KCNH1: variants seen among roughly 807,000 people sequenced by gnomAD.
The protein encoded by KCNH1 is voltage-gated delayed rectifier potassium channel KCNH1.
A neutral mutation model predicts 69.2 loss-of-function variants in KCNH1; 27 were observed. That is an observed-to-expected ratio of 0.39 (90% CI 0.29 to 0.54). The LOEUF is 0.54. Ranked by LOEUF, KCNH1 falls within the 20% of genes least tolerant of loss-of-function variation. KCNH1 has a pLI of 0.68. For missense variants in KCNH1, 798 were observed against 1,261.6 expected, an observed-to-expected ratio of 0.63 and a Z score of 5.57; for synonymous variants, 456 against 487.7, an observed-to-expected ratio of 0.93 and a Z score of 0.86.
chr1:210,863,683 T>A (rs1025040690), intron 7 of KCNH1, among the ~76,000 whole-genome samples: 2 of 152,278 alleles, frequency 1.3e-5, no homozygotes, highest in Non-Finnish European at 2.9e-5. Context: ...TCACAGCTCT[T>A]ATTAGGAAAT....
At chr1:210,727,818 T>G (rs1682641124) in intron 10 of KCNH1, among the ~76,000 whole-genome samples, 1 of 151,852 alleles carries the variant, frequency 6.6e-6, no homozygotes, top group Admixed American at 6.6e-5. Flanking sequence ...TAGGAAGGAG[T>G]AAAGCTTTAA....
intron 7 of KCNH1, among the ~76,000 whole-genome samples, chr1:210,806,946 G>T (rs1412663693): frequency 6.9e-6 from 1 of 143,898 alleles, no homozygotes. Flanking sequence ...GGCAGAGTTT[G>T]CAGTGAGCCA....
chr1:210,707,388 C>A (rs1681940338), intron 10 of KCNH1, among the ~76,000 whole-genome samples: 1 of 152,204 alleles, frequency 6.6e-6, no homozygotes, highest in Non-Finnish European at 1.5e-5. Flanking sequence ...TTTACCCTGG[C>A]TTGACCCAGA....
chr1:210,957,292 T>C (rs1688197500), intron 6 of KCNH1, among the ~76,000 whole-genome samples: 1 of 152,206 alleles, frequency 6.6e-6, no homozygotes, highest in South Asian at 2.1e-4. Flanking sequence ...TTTGTTGTGA[T>C]TTCTGTTCTT....
chr1:210,790,082 T>G (rs1240029673), intron 9 of KCNH1, among the ~76,000 whole-genome samples: 1 of 152,240 alleles, frequency 6.6e-6, no homozygotes, highest in Admixed American at 6.5e-5. Flanking sequence ...CCACCACACC[T>G]GGCTTTCCCA....
intron 9 of KCNH1, among the ~76,000 whole-genome samples, chr1:210,793,396 T>A (rs981396843): frequency 1.3e-5 from 2 of 152,216 alleles, no homozygotes; most frequent in African/African-American, 4.8e-5. Flanking sequence ...GCAAGAGAAG[T>A]ATCAAATTCT....
At chr1:210,923,535 C>T (rs1363792363) in intron 6 of KCNH1, among the ~76,000 whole-genome samples, 2 of 152,230 alleles carry the variant, frequency 1.3e-5, no homozygotes, top group Non-Finnish European at 2.9e-5. Context: ...TTGCAAGCAT[C>T]CCACATGGTG....
At chr1:210,820,396 G>A (rs1479170135) in intron 7 of KCNH1, among the ~76,000 whole-genome samples, 1 of 152,114 alleles carries the variant, frequency 6.6e-6, no homozygotes, top group Non-Finnish European at 1.5e-5. Context: ...AGCACTTTGG[G>A]AGGCTGAGGC....
At chr1:210,879,368 G>A (rs1421295059) in intron 7 of KCNH1, among the ~76,000 whole-genome samples, 2 of 151,856 alleles carry the variant, frequency 1.3e-5, no homozygotes, top group Non-Finnish European at 2.9e-5. Flanking sequence ...CAACATATTA[G>A]CAAATTAAAT....
intron 7 of KCNH1, among the ~76,000 whole-genome samples, chr1:210,907,498 C>T (rs572336947): frequency 3.4e-5 from 5 of 148,340 alleles, no homozygotes; most frequent in Admixed American, 1.4e-4. Flanking sequence ...GGCCCAAGCT[C>T]AAATCAGGAT....
At position 210,726,249 on chromosome 1, in the gene KCNH1, G is replaced by A. The variant is rs147678531; in HGVS notation, c.2113-42111C>T. Among the ~76,000 whole-genome samples, 1,056 of 152,250 alleles carry A rather than the reference G, an allele frequency of 6.9e-3. 5 individuals are homozygous for A. The highest frequency in any genetic ancestry group is 0.017 in the Middle Eastern group (5 of 294). ...GCAGCACTTGCCCAACTTCTGAAAA[G>A]GAAGTTATTTGGTGACTCGCTGATG... On this transcript the variant is annotated intron_variant, in intron 10 of 10. Transcript: ENST00000271751.
chr1:210,903,722 C>T (rs183645091), intron 7 of KCNH1, among the ~76,000 whole-genome samples: 1 of 152,302 alleles, frequency 6.6e-6, no homozygotes, highest in East Asian at 1.9e-4. Flanking sequence ...GTTTTCTCCA[C>T]TAAAGACCTC....
chr1:211,110,231 T>C lies in KCNH1; in HGVS notation c.80-2854A>G, dbSNP rs746415865. On this transcript the variant is annotated intron_variant, in intron 1 of 10. Transcript: ENST00000271751. The stretch of plus-strand genomic sequence containing the variant: ...ACATATTCTTTCTTTGGCAGTTACT[T>C]GAGGATGTGTACCAGCAAAATGAGG... Among the ~76,000 whole-genome samples the C allele has an allele frequency of 7.8e-4, 118 of 152,188 alleles. 1 individual carries two copies. The highest frequency in any genetic ancestry group is 6.8e-3 in the Middle Eastern group (2 of 294).
intron 5 of KCNH1, among the ~76,000 whole-genome samples, chr1:211,020,039 C>T (rs1689561692): frequency 6.6e-6 from 1 of 151,924 alleles, no homozygotes; most frequent in Non-Finnish European, 1.5e-5. Flanking sequence ...TAAATGCCTA[C>T]ATCAAAGAAG....
chr1:210,881,161 C>T (rs183915362), intron 7 of KCNH1, among the ~76,000 whole-genome samples: 1 of 152,182 alleles, frequency 6.6e-6, no homozygotes, highest in Non-Finnish European at 1.5e-5. Context: ...CTCCATCATT[C>T]CTGGCTAATT....
chr1:211,019,308 G>A, intron 5 of KCNH1, 52 bp from the exon 6 acceptor site: 1 of 1,168,320 alleles, frequency 8.6e-7, no homozygotes, highest in Non-Finnish European at 1.2e-6. Context: ...TTAATTGCAA[G>A]TATCTAACCA....
At chr1:211,122,972 C>T (rs565963430) in intron 1 of KCNH1, among the ~76,000 whole-genome samples, 2 of 151,522 alleles carry the variant, frequency 1.3e-5, no homozygotes, top group African/African-American at 2.4e-5. Flanking sequence ...AAAACAGAAA[C>T]ATTAAAAACA....
intron 9 of KCNH1, among the ~76,000 whole-genome samples, chr1:210,786,103 C>G (rs1171084359): frequency 6.6e-6 from 1 of 152,130 alleles, no homozygotes; most frequent in East Asian, 1.9e-4. Flanking sequence ...CAATACCCAT[C>G]CCTCTTCATT....
At chr1:210,765,137 C>G (rs1232411891) in intron 10 of KCNH1, among the ~76,000 whole-genome samples, 1 of 151,680 alleles carries the variant, frequency 6.6e-6, no homozygotes, top group Non-Finnish European at 1.5e-5. Flanking sequence ...TTCTCACTTA[C>G]AAGTAGTAGC....
Sources: gnomAD v4.1 joint callset for allele counts (sites outside exome capture counted in the v4.1 genomes callset) on GRCh38, gnomAD v4.1.1 for gene constraint, MANE v1.5 for transcripts, NCBI Gene and HGNC (gene_info 2026-07-23, HGNC 2026-07-21) for gene names.